MBD5: variants seen among roughly 807,000 people sequenced by gnomAD.
The protein encoded by MBD5 is methyl-CpG binding domain protein 5.
In MBD5, 13 loss-of-function variants were observed where a neutral mutation model predicts 117.3. That is an observed-to-expected ratio of 0.11 (90% confidence interval 0.07 to 0.18). The LOEUF is 0.18. Ranked by LOEUF, MBD5 falls within the 10% of genes least tolerant of loss-of-function variation. The pLI, the probability that MBD5 is intolerant of heterozygous loss-of-function variation, is 1.00. For synonymous variants in MBD5, 727 were observed against 766.4 expected (o/e 0.95, Z 0.85); for missense variants, 1,879 against 2,093.8 (o/e 0.90, Z 2.00).
intron 4 of MBD5, among the ~76,000 whole-genome samples, chr2:148,342,925 T>G (rs941504222): frequency 2.0e-5 from 3 of 151,938 alleles, no homozygotes; most frequent in African/African-American, 7.2e-5. Flanking sequence ...TGCTCCCCCT[T>G]CCACCCTTTC....
chr2:148,174,689 C>T (rs923592853), intron 1 of MBD5, among the ~76,000 whole-genome samples: 2 of 151,124 alleles, frequency 1.3e-5, no homozygotes, highest in Non-Finnish European at 3.0e-5. Flanking sequence ...CCAACTGATA[C>T]AAGAAAAACT....
intron 1 of MBD5, among the ~76,000 whole-genome samples, chr2:148,148,613 C>T (rs1480818990): frequency 6.6e-6 from 1 of 152,044 alleles, no homozygotes; most frequent in South Asian, 2.1e-4. Context: ...CTCCCTAGTC[C>T]TTTGTCTATT....
At chr2:148,143,243 TA>T (rs1411337372) in intron 1 of MBD5, among the ~76,000 whole-genome samples, 1 of 152,178 alleles carries the variant, frequency 6.6e-6, no homozygotes, top group Non-Finnish European at 1.5e-5. Flanking sequence ...TGGTTTTGCT[TA>T]AAGTCGCAAT....
intron 3 of MBD5, among the ~76,000 whole-genome samples, chr2:148,325,350 A>C (rs1702416949): frequency 6.6e-6 from 1 of 152,194 alleles, no homozygotes; most frequent in African/African-American, 2.4e-5. Context: ...CTGGCCTCAT[A>C]AAATGAGTTA....
chr2:148,511,402 T>G (rs1310668636), intron 13 of MBD5, among the ~76,000 whole-genome samples: 1 of 152,224 alleles, frequency 6.6e-6, no homozygotes, highest in Non-Finnish European at 1.5e-5. Flanking sequence ...CATTTGGTCC[T>G]GGTGGAAATC....
At chr2:148,423,434 C>T (rs1273342331) in intron 4 of MBD5, among the ~76,000 whole-genome samples, 2 of 152,070 alleles carry the variant, frequency 1.3e-5, no homozygotes, top group African/African-American at 4.8e-5. Flanking sequence ...CCCAGAATTT[C>T]ATATCCAGCC....
chr2:148,093,790 A>G (rs973001532), intron 1 of MBD5, among the ~76,000 whole-genome samples: 3 of 152,208 alleles, frequency 2.0e-5, no homozygotes, highest in Admixed American at 6.5e-5. Flanking sequence ...TGTAAAAGAA[A>G]GAATTTTCTT....
At chr2:148,412,068 T>A (rs2105187499) in intron 4 of MBD5, among the ~76,000 whole-genome samples, 1 of 152,314 alleles carries the variant, frequency 6.6e-6, no homozygotes, top group Non-Finnish European at 1.5e-5. Flanking sequence ...ATCTTCTGCA[T>A]ATGGCTAGCC....
At chr2:148,491,678 T>A (rs1027902617) in intron 11 of MBD5, among the ~76,000 whole-genome samples, 8 of 152,024 alleles carry the variant, frequency 5.3e-5, no homozygotes, top group Admixed American at 1.3e-4. Context: ...CTTGTCAGGA[T>A]ACACTCTGGC....
chr2:148,300,888 T>A (rs755396300), intron 3 of MBD5, among the ~76,000 whole-genome samples: 14 of 152,192 alleles, frequency 9.2e-5, no homozygotes, highest in Non-Finnish European at 1.3e-4. Context: ...AACAGAAAAG[T>A]TATTATAGTG....
At chr2:148,322,284 A>C (rs1012541542) in intron 3 of MBD5, among the ~76,000 whole-genome samples, 3 of 152,246 alleles carry the variant, frequency 2.0e-5, no homozygotes, top group African/African-American at 7.2e-5. Context: ...ATAACGTTCA[A>C]GTCTAAAGTA....
At chr2:148,043,095 A>T (rs1377166890) in intron 1 of MBD5, among the ~76,000 whole-genome samples, 1 of 152,056 alleles carries the variant, frequency 6.6e-6, no homozygotes, top group East Asian at 1.9e-4. Context: ...GCATATTAAA[A>T]TTGCAGACTA....
At chr2:148,117,326 A>T (rs941526977) in intron 1 of MBD5, among the ~76,000 whole-genome samples, 13 of 105,738 alleles carry the variant, frequency 1.2e-4, no homozygotes, top group African/African-American at 2.4e-4. Context: ...CTTTTTCAAT[A>T]AAAAAAAAAA....
At chr2:148,292,200 C>T (rs1251943853) in intron 3 of MBD5, among the ~76,000 whole-genome samples, 2 of 151,972 alleles carry the variant, frequency 1.3e-5, no homozygotes, top group Non-Finnish European at 2.9e-5. Context: ...GCAGCCAAAG[C>T]AAAAATGGAC....
At chr2:148,221,357 G>A (rs1349981583) in intron 2 of MBD5, among the ~76,000 whole-genome samples, 1 of 152,070 alleles carries the variant, frequency 6.6e-6, no homozygotes, top group Non-Finnish European at 1.5e-5. Context: ...GTTCTCCATA[G>A]TGCTTTTAGT....
At position 148,458,346 on chromosome 2, in the gene MBD5, T is replaced by C. The variant is rs1706948438; in HGVS notation, c.-413T>C. 2 of 428,584 alleles carry C rather than the reference T, an allele frequency of 4.7e-6. No homozygotes were observed. The highest frequency in any genetic ancestry group is 8.5e-5 in the South Asian group (1 of 11,808). The allele number at this position is 428,584 out of a possible 1,614,324, so 26.5% of individuals were successfully genotyped here. On this transcript the variant is annotated 5_prime_UTR_variant, in exon 5 of 14. Coordinates refer to ENST00000642680, the MANE Select transcript of MBD5 (RefSeq NM_001378120.1). Reference sequence around the variant, plus strand: ...CCTGGAAATATTAACCGACTCACACTGTAAAAATGAGACCAGTTTCTAAAC... The same window carrying C: ...CCTGGAAATATTAACCGACTCACACCGTAAAAATGAGACCAGTTTCTAAAC...
intron 1 of MBD5, among the ~76,000 whole-genome samples, chr2:148,150,216 G>C (rs1044901075): frequency 6.8e-6 from 1 of 147,984 alleles, no homozygotes; most frequent in Non-Finnish European, 1.5e-5. Flanking sequence ...CCCATTGCTT[G>C]TTTTTCTCAG....
intron 2 of MBD5, among the ~76,000 whole-genome samples, chr2:148,200,605 A>C (rs1699110429): frequency 6.6e-6 from 1 of 151,652 alleles, no homozygotes; most frequent in Admixed American, 6.6e-5. Context: ...AGACGGGAGA[A>C]TGGCGTGAGC....
chr2:148,446,540 G>A (rs372808798), intron 4 of MBD5, among the ~76,000 whole-genome samples: 11 of 151,504 alleles, frequency 7.3e-5, no homozygotes, highest in East Asian at 3.9e-4. Context: ...TGATGAGCCC[G>A]TGGGATCTAA....
Sources: gnomAD v4.1 joint callset for allele counts (sites outside exome capture counted in the v4.1 genomes callset) on GRCh38, gnomAD v4.1.1 for gene constraint, MANE v1.5 for transcripts, NCBI Gene and HGNC (gene_info 2026-07-23, HGNC 2026-07-21) for gene names.